MORC3: variants seen among roughly 807,000 people sequenced by gnomAD.
MORC3 encodes MORC family CW-type zinc finger protein 3.
A neutral mutation model predicts 109.1 loss-of-function variants in MORC3; 31 were observed. That is an observed-to-expected ratio of 0.28 (90% CI 0.21 to 0.38). MORC3 has a LOEUF of 0.38. Ranked by LOEUF, MORC3 falls within the 10% of genes least tolerant of loss-of-function variation. MORC3 has a pLI of 1.00. For missense variants in MORC3, 867 were observed against 1,135.8 expected (o/e 0.76, Z 3.40); for synonymous variants, 395 against 380.7 (o/e 1.04, Z -0.44).
Position 36,364,083 on chromosome 21 carries a change from C to T in MORC3, c.1453-10C>T. On this transcript the variant is annotated splice_polypyrimidine_tract_variant and intron_variant, in intron 13 of 16. Transcript: ENST00000400485. The stretch of plus-strand genomic sequence containing the variant: ...AGTTCCTTTAAGGTGATGATTTTTC[C>T]CTCCAACAGATTAATGCTGAACTGT... 1.9e-6 allele frequency: 3 copies of T among 1,608,060 alleles called. No homozygotes were observed. The highest frequency in any genetic ancestry group is 2.2e-5 in the South Asian group (2 of 90,452).
chr21:36,362,200 G>C lies in MORC3; in HGVS notation c.1424G>C (p.Arg475Thr), dbSNP rs2085724993. Residue 475 changes from arginine to threonine, a missense_variant, in exon 13 of 17, where the codon AGG (arginine) becomes ACG (threonine). Physicochemically the swap from Arg to Thr is moderately conservative, Grantham distance 71. Transcript: ENST00000400485. ...TYKKTNKEKFRIRQPEMIPRI... is the reference protein window; with the variant it reads ...TYKKTNKEKFTIRQPEMIPRI... ...TTTTAAAGCAACAAGGAAAAATTCA[G>C]GATCAGACAACCGGAAATGATCCCT... is the stretch of plus-strand genomic sequence containing the variant. 3.1e-6 allele frequency: 5 copies of C among 1,611,644 alleles called. No homozygotes were observed. Among genetic ancestry groups the C allele is most frequent in the Non-Finnish European group, 4.2e-6 (5 of 1,179,424 alleles).
At chr21:36,355,771 T>C (rs1000052633) in intron 9 of MORC3, among the ~76,000 whole-genome samples, 1 of 150,110 alleles carries the variant, frequency 6.7e-6, no homozygotes, top group African/African-American at 2.5e-5. Context: ...AAAAAAGCAA[T>C]ACCCTGTCTC....
At chr21:36,372,174 C>G (rs970165128) in intron 15 of MORC3, among the ~76,000 whole-genome samples, 200 bp from the exon 16 acceptor site, 3 of 151,910 alleles carry the variant, frequency 2.0e-5, no homozygotes, top group Non-Finnish European at 4.4e-5. Context: ...GTTGTATTCT[C>G]TCAGTGTAAA....
chr21:36,369,013 T>C lies in MORC3; in HGVS notation c.1645T>C (p.Ser549Pro). 6.2e-7 allele frequency: 1 copy of C among 1,610,968 alleles called. No homozygotes were observed. The highest frequency in any genetic ancestry group is 8.5e-7 in the Non-Finnish European group (1 of 1,177,926). The change falls in exon 15 of 17, where the codon TCC (serine) becomes CCC (proline). Residue 549 changes from serine to proline, a missense_variant. This residue lies in a region of MORC3 where 486 missense variants were observed against 502.1 expected (regional missense o/e 0.97). Coordinates refer to ENST00000400485, the MANE Select transcript of MORC3 (RefSeq NM_015358.3). The part of the protein sequence containing the change: ...NSLKRRLSTR[S>P]SILNAKNRRL... ...CTTGAAACGGAGACTTTCTACTCGT[T>C]CCTCAATTTTGAATGCAAAGAATCG...
chr21:36,320,393 T>TG, intron 1 of MORC3, 90 bp downstream of exon 1: 1 of 1,173,160 alleles, frequency 8.5e-7, no homozygotes, highest in Non-Finnish European at 1.1e-6. Flanking sequence ...TGGCGGCTTG[T>TG]GGGGCCGACG....
chr21:36,325,167 A>T (rs1169811087), intron 1 of MORC3, among the ~76,000 whole-genome samples: 2 of 152,224 alleles, frequency 1.3e-5, no homozygotes, highest in African/African-American at 4.8e-5. Flanking sequence ...ACCATAAAAA[A>T]TGGGAACTGT....
rs184993993 is a variant in MORC3, at chr21:36,362,348, G to C, written c.1452+120G>C. On this transcript the variant is annotated intron_variant, in intron 13 of 16. Coordinates refer to ENST00000400485, the MANE Select transcript of MORC3 (RefSeq NM_015358.3). ...ACCTGAGGTCAGGAGTTCAAGACCAGCCTGGCCAACATGGTGAAACCCTGT... is the reference window on the plus strand; with the variant it reads ...ACCTGAGGTCAGGAGTTCAAGACCACCCTGGCCAACATGGTGAAACCCTGT... The C allele has an allele frequency of 2.3e-4, 255 of 1,101,650 alleles. No homozygotes were observed. The African/African-American group carries it at 3.6e-3, about 15-fold the overall frequency. The allele number at this position is 1,101,650 out of a possible 1,614,324, so 68.2% of individuals were successfully genotyped here.
At chr21:36,333,444 G>A (rs1348490447) in intron 1 of MORC3, 1 of 578,864 alleles carries the variant, frequency 1.7e-6, no homozygotes, top group African/African-American at 1.9e-5. Context: ...AAGTCTTGGT[G>A]AGTAAGCTGT....
intron 9 of MORC3, among the ~76,000 whole-genome samples, chr21:36,354,740 C>T (rs75340437): frequency 1.3e-5 from 2 of 152,150 alleles, no homozygotes; most frequent in South Asian, 2.1e-4. Flanking sequence ...TGGAACCCAC[C>T]TTCTGGATTG....
chr21:36,321,307 CTGTT>C (rs746016805), intron 1 of MORC3, among the ~76,000 whole-genome samples: 6 of 152,120 alleles, frequency 3.9e-5, no homozygotes, highest in South Asian at 2.1e-4. Flanking sequence ...GTTTCCTTGA[CTGTT>C]TGTGTTGTTG....
chr21:36,343,449 C>CTTTT (rs147660327), intron 6 of MORC3, among the ~76,000 whole-genome samples: 2 of 126,134 alleles, frequency 1.6e-5, no homozygotes, highest in African/African-American at 3.0e-5. Flanking sequence ...TTTTTGCTTT[C>CTTTT]TTTTTTTTTT....
At chr21:36,356,229 C>T (rs117637454) in intron 9 of MORC3, among the ~76,000 whole-genome samples, 2 of 152,110 alleles carry the variant, frequency 1.3e-5, no homozygotes, top group African/African-American at 4.8e-5. Context: ...GTATATGCTT[C>T]AGTCTTGATA....
intron 16 of MORC3, among the ~76,000 whole-genome samples, chr21:36,373,011 A>G (rs1337353500): frequency 1.3e-5 from 2 of 152,188 alleles, no homozygotes; most frequent in Non-Finnish European, 2.9e-5. Flanking sequence ...AAAAATTGCC[A>G]TAGTACAGAT....
intron 14 of MORC3, among the ~76,000 whole-genome samples, chr21:36,364,968 C>G (rs1198369760): frequency 6.9e-6 from 1 of 145,330 alleles, no homozygotes; most frequent in African/African-American, 2.6e-5. Context: ...AAGAGAATCG[C>G]TTGAACCTGG....
chr21:36,368,477 C>T (rs1481495220), intron 14 of MORC3, among the ~76,000 whole-genome samples: 2 of 152,144 alleles, frequency 1.3e-5, no homozygotes, highest in Non-Finnish European at 2.9e-5. Flanking sequence ...AATAGTCCAT[C>T]GTCTTCATCT....
At chr21:36,320,494 C>G (rs2085178484) in intron 1 of MORC3, 191 bp downstream of exon 1, 1 of 456,056 alleles carries the variant, frequency 2.2e-6, no homozygotes, top group South Asian at 9.0e-5. Context: ...GGCTGCGTTC[C>G]GTCGCCTCTG....
chr21:36,361,614 T>TG (rs1430339687), intron 12 of MORC3: 1 of 126,088 alleles, frequency 7.9e-6, no homozygotes, highest in Non-Finnish European at 1.6e-5. Flanking sequence ...AGGCCAGGAG[T>TG]GGTGGCTCAC....
At chr21:36,323,087 A>G (rs528133636) in intron 1 of MORC3, among the ~76,000 whole-genome samples, 76 of 152,304 alleles carry the variant, frequency 5.0e-4, no homozygotes, top group African/African-American at 1.7e-3. Context: ...GCTCTTTTCC[A>G]GATGGATTCA....
At chr21:36,320,552 C>CCTCCCAGCTCCCTCCTAGT in intron 1 of MORC3, 1 of 337,364 alleles carries the variant, frequency 3.0e-6, no homozygotes. Flanking sequence ...CGCGGCTCCT[C>CCTCCCAGCTCCCTCCTAGT]CTCCCAGCTC....
Sources: gnomAD v4.1 joint callset for allele counts (sites outside exome capture counted in the v4.1 genomes callset) on GRCh38, gnomAD v4.1.1 for gene constraint, gnomAD v4.1.1 regional missense constraint, MANE v1.5 for transcripts, NCBI Gene and HGNC (gene_info 2026-07-23, HGNC 2026-07-21) for gene names.